Variants in CCDC178 observed in about 807,000 individuals in gnomAD.
CCDC178 encodes coiled-coil domain-containing protein 178.
CCDC178 carries 126 observed loss-of-function variants against 117.4 expected under a neutral mutation model. That is an observed-to-expected ratio of 1.07 (90% CI 0.93 to 1.24). The LOEUF (loss-of-function observed/expected upper bound fraction) is 1.24. Among genes scored for constraint, CCDC178 ranks in the 50% most tolerant of loss-of-function variants. CCDC178 has a pLI of 0.00. For missense variants in CCDC178, 1,030 were observed against 986.9 expected (o/e 1.04, Z -0.59); for synonymous variants, 283 against 313.4 (o/e 0.90, Z 1.02).
chr18:33,086,634 T>C (rs970464416), intron 21 of CCDC178, among the ~76,000 whole-genome samples: 7 of 152,084 alleles, frequency 4.6e-5, no homozygotes, highest in African/African-American at 1.2e-4. Context: ...ATTTTAAATA[T>C]ACAAATGCAG....
chr18:33,252,666 T>G (rs962869525), intron 14 of CCDC178, among the ~76,000 whole-genome samples: 1 of 151,674 alleles, frequency 6.6e-6, no homozygotes, highest in Non-Finnish European at 1.5e-5. Flanking sequence ...TTTAACAACT[T>G]CAGTAATATT....
intron 3 of CCDC178, among the ~76,000 whole-genome samples, chr18:33,402,083 C>T (rs1385399532): frequency 6.6e-6 from 1 of 152,068 alleles, no homozygotes; most frequent in African/African-American, 2.4e-5. Flanking sequence ...TTGAAGGCCA[C>T]ACAAATGTTC....
Position 33,302,226 on chromosome 18 carries a change from C to T in CCDC178, c.1023-8914G>A, listed in dbSNP as rs568177426. ...GATTGTCAGCTTCCTGAGGCCCTTT[C>T]CAGAAACAAAGCAGATGTTTCTACC... On this transcript the variant is annotated intron_variant, in intron 11 of 22. Transcript: ENST00000383096. Among the ~76,000 whole-genome samples the T allele has an allele frequency of 2.2e-4, 34 of 152,284 alleles. 1 individual carries two copies. The highest frequency in any genetic ancestry group is 3.4e-3 in the Middle Eastern group (1 of 294).
chr18:33,280,158 C>A (rs1264641342), intron 12 of CCDC178, among the ~76,000 whole-genome samples: 9,401 of 149,978 alleles, frequency 0.063, 452 homozygotes, highest in African/African-American at 0.13. Context: ...CATCAGAGTG[C>A]ACAGGCAACC....
Position 33,210,803 on chromosome 18 carries a change from A to G in CCDC178, c.2238+1093T>C, listed in dbSNP as rs532264889. Among the ~76,000 whole-genome samples, 15 of 152,190 alleles carry G rather than the reference A, an allele frequency of 9.9e-5. No homozygotes were observed. In the East Asian group the frequency reaches 2.9e-3, roughly 29 times the overall value. ...CCACTAGATGGCACCAATTATTTTC[A>G]TATTTTTAGGTCAAGAAAACCCTTT... is the stretch of plus-strand genomic sequence containing the variant. On this transcript the variant is annotated intron_variant, in intron 20 of 22. Transcript: ENST00000383096.
intron 21 of CCDC178, among the ~76,000 whole-genome samples, chr18:33,014,616 T>C (rs1207682806): frequency 2.0e-5 from 3 of 152,172 alleles, no homozygotes; most frequent in Non-Finnish European, 1.5e-5. Context: ...AAAGACATAA[T>C]TATAACCTAC....
At chr18:33,050,747 G>C (rs1192734425) in intron 21 of CCDC178, among the ~76,000 whole-genome samples, 1 of 152,074 alleles carries the variant, frequency 6.6e-6, no homozygotes, top group Non-Finnish European at 1.5e-5. Context: ...ATCTTCATTG[G>C]TGTAAGAATT....
intron 2 of CCDC178, among the ~76,000 whole-genome samples, chr18:33,423,483 T>C (rs528455920): frequency 4.2e-4 from 64 of 152,346 alleles, no homozygotes; most frequent in African/African-American, 1.4e-3. Flanking sequence ...TGTATTAGTA[T>C]ATCTATTCTC....
chr18:33,176,839 T>C (rs181543958), intron 20 of CCDC178, among the ~76,000 whole-genome samples: 3 of 152,274 alleles, frequency 2.0e-5, no homozygotes, highest in Admixed American at 6.5e-5. Context: ...TAGGAGAAAA[T>C]GACCTGCTGC....
At chr18:33,006,391 A>T (rs931220136) in intron 21 of CCDC178, among the ~76,000 whole-genome samples, 2 of 151,862 alleles carry the variant, frequency 1.3e-5, no homozygotes, top group African/African-American at 2.4e-5. Flanking sequence ...CAATTTGATA[A>T]TTTTTTTTCT....
At chr18:33,211,757 C>A in intron 20 of CCDC178, 139 bp downstream of exon 20, 2 of 622,126 alleles carry the variant, frequency 3.2e-6, no homozygotes, top group Non-Finnish European at 2.6e-6. Flanking sequence ...TGAAAACTTC[C>A]AGGTTTATTA....
intron 20 of CCDC178, among the ~76,000 whole-genome samples, chr18:33,109,322 A>G (rs1836843655): frequency 6.6e-6 from 1 of 151,612 alleles, no homozygotes; most frequent in African/African-American, 2.4e-5. Context: ...GAAACCATAA[A>G]ATGTTTAAAG....
At chr18:33,274,126 C>T (rs1251640552) in intron 12 of CCDC178, among the ~76,000 whole-genome samples, 1 of 151,610 alleles carries the variant, frequency 6.6e-6, no homozygotes, top group African/African-American at 2.4e-5. Context: ...ATGACAAACA[C>T]AGGAAAAGCC....
intron 21 of CCDC178, among the ~76,000 whole-genome samples, chr18:33,085,348 G>A (rs778004571): frequency 6.6e-6 from 1 of 152,194 alleles, no homozygotes; most frequent in Non-Finnish European, 1.5e-5. Context: ...CGGATCACGA[G>A]GTCAGGGGAT....
At chr18:33,345,170 G>A (rs1238663976) in intron 9 of CCDC178, among the ~76,000 whole-genome samples, 1 of 151,820 alleles carries the variant, frequency 6.6e-6, no homozygotes, top group African/African-American at 2.4e-5. Context: ...GATCATATAT[G>A]GGCACCCTAA....
intron 3 of CCDC178, among the ~76,000 whole-genome samples, chr18:33,398,160 T>C (rs565995902): frequency 1.1e-4 from 17 of 152,178 alleles, no homozygotes; most frequent in Non-Finnish European, 2.4e-4. Context: ...TTTAAATATC[T>C]GAATATGTCT....
chr18:33,357,156 A>G (rs1320272676), intron 6 of CCDC178, among the ~76,000 whole-genome samples: 1 of 152,052 alleles, frequency 6.6e-6, no homozygotes, highest in African/African-American at 2.4e-5. Context: ...ACTTGCATGT[A>G]TTGATTTATG....
chr18:33,428,050 T>A (rs1375898356), intron 2 of CCDC178, among the ~76,000 whole-genome samples: 1 of 152,218 alleles, frequency 6.6e-6, no homozygotes, highest in Non-Finnish European at 1.5e-5. Context: ...AAAATTCTTA[T>A]GAAAAAACTA....
chr18:33,195,794 C>A (rs1453479573), intron 20 of CCDC178, among the ~76,000 whole-genome samples: 1 of 152,168 alleles, frequency 6.6e-6, no homozygotes, highest in African/African-American at 2.4e-5. Context: ...ACTTATACTA[C>A]ACTGATGTTT....
Sources: allele counts gnomAD v4.1 joint callset (sites outside exome capture counted in the v4.1 genomes callset), GRCh38; gene constraint gnomAD v4.1.1; transcripts MANE v1.5; gene names NCBI Gene and HGNC (gene_info 2026-07-23, HGNC 2026-07-21).